MIB2: variants seen among roughly 807,000 people sequenced by gnomAD.
MIB2 encodes the protein E3 ubiquitin-protein ligase MIB2.
Under a neutral mutation model 96.6 loss-of-function variants are expected in MIB2, and 78 were observed. The ratio of observed to expected loss-of-function variants is 0.81; its 90% confidence interval spans 0.67 to 0.97. The LOEUF (loss-of-function observed/expected upper bound fraction) is 0.97. MIB2 is among the 50% of genes least tolerant of loss of function. MIB2 has a pLI of 0.00. For missense variants in MIB2, 1,543 were observed against 1,424.0 expected, an observed-to-expected ratio of 1.08 and a Z score of -1.35; for synonymous variants, 820 against 629.5, an observed-to-expected ratio of 1.30 and a Z score of -4.53.
chr1:1,621,788 C>T (rs1044285115), intron 2 of MIB2, among the ~76,000 whole-genome samples: 8 of 152,214 alleles, frequency 5.3e-5, no homozygotes, highest in Non-Finnish European at 1.0e-4. Flanking sequence ...AACTCGCAGC[C>T]GGGGCACGGA....
In MIB2 at chr1:1,627,422, GCACTGCACT is replaced by G; in HGVS notation, c.1502_1510del (p.Ala501_Tyr504delinsAsp). 1 of 1,612,610 alleles carries G rather than the reference GCACTGCACT, an allele frequency of 6.2e-7. No individual in the cohort carries two copies. Among genetic ancestry groups the G allele is most frequent in the Non-Finnish European group, 8.5e-7 (1 of 1,179,798 alleles). ...CCTGCCGGACGACGAGGGCAACACG[GCACTGCACT>G]ACGCGGCCCTGGGGTGAGGCCTGGG... On this transcript the variant is annotated inframe_deletion, in exon 12 of 20. Transcript: ENST00000355826.
At position 1,627,434 on chromosome 1, in the gene MIB2, G is replaced by A. The variant is rs767454927; in HGVS notation, c.1513G>A (p.Ala505Thr). Reference sequence around the variant, plus strand: ...CGAGGGCAACACGGCACTGCACTACGCGGCCCTGGGGTGAGGCCTGGGAGG... The same window carrying A: ...CGAGGGCAACACGGCACTGCACTACACGGCCCTGGGGTGAGGCCTGGGAGG... ...DDEGNTALHY[A>T]ALGNQPEATR... Residue 505 changes from alanine to threonine, a missense_variant, in exon 12 of 20, where the codon GCG becomes ACG. Transcript: ENST00000355826. The A allele has an allele frequency of 1.2e-5, 20 of 1,611,404 alleles. No homozygotes were observed. In the Admixed American group the frequency reaches 1.5e-4, roughly 12 times the overall value.
intron 2 of MIB2, chr1:1,616,947 C>T (rs934340683): frequency 7.2e-6 from 2 of 277,650 alleles, no homozygotes; most frequent in Non-Finnish European, 1.4e-5. Context: ...CTGAATGTGG[C>T]GCTCTCCTGG....
rs911540715 is a variant in MIB2, at chr1:1,622,797, C to T, written c.-22-634C>T. 7.9e-5 allele frequency among the ~76,000 whole-genome samples: 12 copies of T among 152,364 alleles called. No homozygotes were observed. The East Asian group carries it at 1.7e-3, about 22-fold the overall frequency. ...TGTGGCCTCGCTGCACTGTCCCTGA[C>T]GTGCAGGGCCCAAAGCTGGTGTCCC... On this transcript the variant is annotated intron_variant, in intron 2 of 19. Transcript: ENST00000355826.
chr1:1,621,750 C>G (rs1304289422), intron 2 of MIB2, among the ~76,000 whole-genome samples: 1 of 152,224 alleles, frequency 6.6e-6, no homozygotes, highest in Admixed American at 6.5e-5. Flanking sequence ...GTTTGTGCCC[C>G]TGAGAATTAG....
chr1:1,621,798 A>T (rs762386248), intron 2 of MIB2, among the ~76,000 whole-genome samples: 1 of 151,676 alleles, frequency 6.6e-6, no homozygotes, highest in Non-Finnish European at 1.5e-5. Context: ...CGGGGCACGG[A>T]TCGGGGGCAC....
rs1219257624 is a variant in MIB2 at position 1,630,473 on chromosome 1, C to G, written c.2811C>G (p.Leu937=). ...CATGCGCCCCCTGCGGCTCCGCGCTCAGCGCCTGCCCCATCTGCCGCCAGC... is the reference window on the plus strand; with the variant it reads ...CATGCGCCCCCTGCGGCTCCGCGCTGAGCGCCTGCCCCATCTGCCGCCAGC... The part of the protein sequence containing the change: ...HGACAPCGSA[L]SACPICRQPI... The change falls in exon 20 of 20, where the codon CTC becomes CTG. Residue 937 remains leucine, a synonymous_variant. Transcript: ENST00000355826. 9.4e-6 allele frequency: 15 copies of G among 1,594,502 alleles called. No individual in the cohort carries two copies. Among genetic ancestry groups the G allele is most frequent in the Non-Finnish European group, 1.3e-5 (15 of 1,174,730 alleles).
intron 14 of MIB2, 27 bp from the exon 15 acceptor site, chr1:1,628,246 T>G: frequency 6.2e-7 from 1 of 1,612,782 alleles, no homozygotes; most frequent in Non-Finnish European, 8.5e-7. Context: ...CAGTCCCAGG[T>G]CCCAGACCAA....
intron 2 of MIB2, among the ~76,000 whole-genome samples, chr1:1,620,669 G>T (rs1366687562): frequency 1.3e-5 from 2 of 152,270 alleles, no homozygotes; most frequent in African/African-American, 4.8e-5. Flanking sequence ...AGGTCCCTGT[G>T]TAGAGGAGGC....
At chr1:1,628,227 G>A (rs1422779720) in intron 14 of MIB2, 46 bp from the exon 15 acceptor site, 5 of 1,612,412 alleles carry the variant, frequency 3.1e-6, no homozygotes, top group East Asian at 2.2e-5. Flanking sequence ...TTGCTGTGCT[G>A]CCTGGGGGCA....
At chr1:1,617,658 C>T (rs1230873231) in intron 2 of MIB2, 1 of 152,140 alleles carries the variant, frequency 6.6e-6, no homozygotes, top group African/African-American at 2.4e-5. Context: ...AATCTGTGAC[C>T]CAGGAAGTAG....
intron 19 of MIB2, among the ~76,000 whole-genome samples, chr1:1,630,080 G>A (rs1300147361): frequency 6.4e-5 from 6 of 94,342 alleles, no homozygotes; most frequent in Non-Finnish European, 1.2e-4. Flanking sequence ...ACTCCAGCCC[G>A]CACACCACCT....
Position 1,630,416 on chromosome 1 carries a change from C to T in MIB2, c.2754C>T (p.His918=). The T allele has an allele frequency of 6.3e-6, 10 of 1,582,752 alleles. No homozygotes were observed. Among genetic ancestry groups the T allele is most frequent in the Non-Finnish European group, 7.7e-6 (9 of 1,166,252 alleles). Residue 918 remains histidine, a synonymous_variant, in exon 20 of 20, where the codon CAC becomes CAT. Coordinates refer to ENST00000355826, the MANE Select transcript of MIB2 (RefSeq NM_001170687.4). ...RITCPICIDS[H]IRLVFQCGHG... ...CCTGCCCCATCTGCATCGACAGCCACATCCGCCTCGTGTTCCAGTGCGGCC... is the reference window on the plus strand; with the variant it reads ...CCTGCCCCATCTGCATCGACAGCCATATCCGCCTCGTGTTCCAGTGCGGCC...
At position 1,625,412 on chromosome 1, in the gene MIB2, A is replaced by G; in HGVS notation, c.848A>G (p.Asn283Ser). Residue 283 changes from asparagine (N) to serine (S), a missense_variant, in exon 7 of 20, where the codon AAC (asparagine) becomes AGC (serine). Transcript: ENST00000355826. This position sits in a 1 kb window ranked among gnomAD's most constrained non-coding sequence, Gnocchi z 5.0. ...REMQEGHGGW[N>S]PRMAEFIGQT... is the part of the protein sequence containing the mutation. ...ATGCAGGAAGGCCACGGCGGCTGGA[A>G]CCCCAGGATGGCGGAGGTGAGCCGC... is the stretch of plus-strand genomic sequence containing the variant. 6.4e-7 allele frequency: 1 copy of G among 1,573,572 alleles called. No homozygotes were observed. Among genetic ancestry groups the G allele is most frequent in the Non-Finnish European group, 8.6e-7 (1 of 1,161,844 alleles).
chr1:1,628,189 G>A lies in MIB2; in HGVS notation c.1841+10G>A, dbSNP rs745749517. 1.9e-6 allele frequency: 3 copies of A among 1,612,848 alleles called. No homozygotes were observed. In the Admixed American group the frequency reaches 5.0e-5, roughly 27 times the overall value. On this transcript the variant is annotated intron_variant, in intron 14 of 19. Coordinates refer to ENST00000355826, the MANE Select transcript of MIB2 (RefSeq NM_001170687.4). ...TCAAGGGTCACGCGCTGTGAGTGTG[G>A]GGTGGGCACACAGCTGCAGCCGGCC...
chr1:1,615,221 G>A, upstream of MIB2: 2 of 715,166 alleles, frequency 2.8e-6, no homozygotes, highest in Non-Finnish European at 4.2e-6. Flanking sequence ...CGCACTGGTG[G>A]AGTCGGAAAG....
Position 1,629,395 on chromosome 1 carries a change from G to C in MIB2, c.2392G>C (p.Ala798Pro). The C allele has an allele frequency of 6.9e-7, 1 of 1,439,964 alleles. No homozygotes were observed. Among genetic ancestry groups the C allele is most frequent in the South Asian group, 1.5e-5 (1 of 68,158 alleles). The allele number at this position is 1,439,964 out of a possible 1,614,324, so 89.2% of individuals were successfully genotyped here. A position where few individuals can be genotyped will look rare whatever the true frequency, so the allele number is the denominator to read the frequency against. ...GCAQRFRERQ[A>P]GGGAAPGPRQ... ...CTCCTCCCCCTGCAGGGAGCGGCAGGCGGGCGGGGGCGCGGCCCCGGGCCC... is the reference window on the plus strand; with the variant it reads ...CTCCTCCCCCTGCAGGGAGCGGCAGCCGGGCGGGGGCGCGGCCCCGGGCCC... Residue 798 changes from alanine (A) to proline (P), a missense_variant, in exon 18 of 20, where the codon GCG becomes CCG. By Grantham distance (27) the Ala-to-Pro change is conservative. Coordinates refer to ENST00000355826, the MANE Select transcript of MIB2 (RefSeq NM_001170687.4).
chr1:1,627,940 G>A lies in MIB2; in HGVS notation c.1681-79G>A, dbSNP rs368819194. 4.4e-4 allele frequency: 701 copies of A among 1,604,472 alleles called. 3 individuals are homozygous for A. In the African/African-American group the frequency reaches 8.8e-3, roughly 20 times the overall value. Reference sequence around the variant, plus strand: ...CCTGGCCTGGGTGCCCCCTGCCCGTGAGTGCTGCTCCCTGGGTGCCCTGGC... The same window carrying A: ...CCTGGCCTGGGTGCCCCCTGCCCGTAAGTGCTGCTCCCTGGGTGCCCTGGC... On this transcript the variant is annotated intron_variant, in intron 13 of 19. Coordinates refer to ENST00000355826, the MANE Select transcript of MIB2 (RefSeq NM_001170687.4).
chr1:1,620,453 G>C (rs907187831), intron 2 of MIB2, among the ~76,000 whole-genome samples: 2 of 152,226 alleles, frequency 1.3e-5, no homozygotes, highest in Non-Finnish European at 2.9e-5. Context: ...TGTTTGGCAG[G>C]GAGGAGTCCC....
Sources: gnomAD v4.1 joint callset for allele counts (sites outside exome capture counted in the v4.1 genomes callset) on GRCh38, gnomAD v4.1.1 for gene constraint, Gnocchi (gnomAD v3.1) non-coding constraint, MANE v1.5 for transcripts, NCBI Gene and HGNC (gene_info 2026-07-23, HGNC 2026-07-21) for gene names.